The following RALGPS1 variants were observed in gnomAD, a reference collection of about 807,000 sequenced individuals.
RALGPS1 encodes ras-specific guanine nucleotide-releasing factor RalGPS1.
Under a neutral mutation model 78.8 loss-of-function variants are expected in RALGPS1, and 19 were observed. The observed-to-expected ratio is 0.24, with a 90% CI of 0.17 to 0.35. The LOEUF is 0.35. Ranked by LOEUF, RALGPS1 falls within the 10% of genes least tolerant of loss-of-function variation. The pLI, the probability that RALGPS1 is intolerant of heterozygous loss-of-function variation, is 1.00. For missense variants in RALGPS1, 454 were observed against 688.3 expected (o/e 0.66, Z 3.81); for synonymous variants, 228 against 256.3 (o/e 0.89, Z 1.06).
At chr9:127,045,730 TACACACACACACAC>T (rs60442898) in intron 5 of RALGPS1, among the ~76,000 whole-genome samples, 3,460 of 141,470 alleles carry the variant, frequency 0.024, 71 homozygotes, top group Middle Eastern at 0.045. Flanking sequence ...CATGGGTTAG[TACACACACACACAC>T]ACACACACAC....
chr9:127,049,894 T>C, intron 5 of RALGPS1, 149 bp from the exon 6 acceptor site: 1 of 647,182 alleles, frequency 1.5e-6, no homozygotes, highest in Non-Finnish European at 2.8e-6. Flanking sequence ...AGGAACTCTT[T>C]AACTCATGTG....
At chr9:127,199,098 A>G (rs745818482) in intron 14 of RALGPS1, 32 bp downstream of exon 14, 2 of 1,603,790 alleles carry the variant, frequency 1.2e-6, no homozygotes, top group East Asian at 4.5e-5. Context: ...CCTCCCTCCC[A>G]GGGGCGGTGC....
chr9:127,134,798 A>G (rs1265297284), intron 8 of RALGPS1, among the ~76,000 whole-genome samples: 1 of 152,230 alleles, frequency 6.6e-6, no homozygotes, highest in Non-Finnish European at 1.5e-5. Context: ...AAAAACTCAT[A>G]GCTCACTGTT....
In RALGPS1 at chr9:127,220,575, G is replaced by A. The variant is rs1274003040; in HGVS notation, c.*1806G>A. On this transcript the variant is annotated 3_prime_UTR_variant, in exon 19 of 19. Transcript: ENST00000259351. ...GGGTGCTCTGCACACCCACGCGGAT[G>A]TTGCACCTCATTCTCCCGATGACTA... is the stretch of plus-strand genomic sequence containing the variant. The A allele has an allele frequency of 6.6e-6, 1 of 152,236 alleles. No individual in the cohort carries two copies. Among genetic ancestry groups the A allele is most frequent in the African/African-American group, 2.4e-5 (1 of 41,458 alleles). The allele number at this position is 152,236 out of a possible 1,614,324, so 9.4% of individuals were successfully genotyped here.
intron 11 of RALGPS1, chr9:127,184,321 G>A (rs59472009): frequency 0.46 from 118,061 of 258,412 alleles, 26,951 homozygotes; most frequent in African/African-American, 0.7. Context: ...CCTTGTCTCA[G>A]GAAAAAAAAA....
chr9:126,953,627 T>C (rs931379613), intron 1 of RALGPS1, among the ~76,000 whole-genome samples: 4 of 152,216 alleles, frequency 2.6e-5, no homozygotes, highest in Admixed American at 2.6e-4. Context: ...TGGGTCTTAA[T>C]GTATATAAAT....
intron 8 of RALGPS1, among the ~76,000 whole-genome samples, chr9:127,077,602 G>C (rs1411542938): frequency 6.6e-6 from 1 of 152,210 alleles, no homozygotes; most frequent in Non-Finnish European, 1.5e-5. Context: ...TCCCTTGTCA[G>C]GATTAGCAAT....
chr9:127,047,398 A>T (rs1316638988), intron 5 of RALGPS1, among the ~76,000 whole-genome samples: 1 of 152,200 alleles, frequency 6.6e-6, no homozygotes, highest in Non-Finnish European at 1.5e-5. Context: ...AACATGTTCT[A>T]TATAGAGAAA....
chr9:126,939,482 A>G (rs1379956520), intron 1 of RALGPS1, among the ~76,000 whole-genome samples: 1 of 152,244 alleles, frequency 6.6e-6, no homozygotes, highest in Admixed American at 6.5e-5. Flanking sequence ...AACTTAACAC[A>G]TATAGAGCAC....
At chr9:127,081,409 T>G (rs1402236405) in intron 8 of RALGPS1, among the ~76,000 whole-genome samples, 1 of 152,190 alleles carries the variant, frequency 6.6e-6, no homozygotes, top group African/African-American at 2.4e-5. Flanking sequence ...CTGCCCTGAT[T>G]GATGAGGAAA....
chr9:126,925,734 G>A (rs987426388), intron 1 of RALGPS1, among the ~76,000 whole-genome samples: 2 of 152,118 alleles, frequency 1.3e-5, no homozygotes, highest in African/African-American at 4.8e-5. Flanking sequence ...ACTGATGTCT[G>A]CAAAAGAGGA....
intron 7 of RALGPS1, among the ~76,000 whole-genome samples, chr9:127,067,060 G>A (rs1419037736): frequency 1.3e-5 from 2 of 152,116 alleles, no homozygotes; most frequent in South Asian, 2.1e-4. Flanking sequence ...ATTTGGAAAA[G>A]TTACTTAATA....
intron 5 of RALGPS1, among the ~76,000 whole-genome samples, chr9:127,036,304 C>A (rs1206196319): frequency 6.6e-6 from 1 of 152,184 alleles, no homozygotes; most frequent in Non-Finnish European, 1.5e-5. Context: ...ATTGGAGCTG[C>A]CTTCTTTGGG....
chr9:126,942,300 C>A (rs575358515), intron 1 of RALGPS1, among the ~76,000 whole-genome samples: 2 of 150,508 alleles, frequency 1.3e-5, no homozygotes, highest in East Asian at 3.9e-4. Flanking sequence ...TTTTTTTTTA[C>A]CTCCAAATTA....
At chr9:126,994,917 A>T (rs1370079081) in intron 4 of RALGPS1, among the ~76,000 whole-genome samples, 1 of 152,212 alleles carries the variant, frequency 6.6e-6, no homozygotes, top group African/African-American at 2.4e-5. Context: ...AGAATTTCAT[A>T]TCCAGCCAAA....
intron 8 of RALGPS1, among the ~76,000 whole-genome samples, chr9:127,084,201 C>T (rs561486751): frequency 1.9e-4 from 29 of 152,232 alleles, no homozygotes; most frequent in African/African-American, 5.8e-4. Flanking sequence ...TTCTGGGAGG[C>T]GTGAGCCACA....
At chr9:127,155,276 T>C (rs1393804023) in intron 8 of RALGPS1, among the ~76,000 whole-genome samples, 1 of 152,208 alleles carries the variant, frequency 6.6e-6, no homozygotes, top group African/African-American at 2.4e-5. Flanking sequence ...CTAGGCTTGG[T>C]GCTGGGCCCT....
At chr9:127,017,942 C>G (rs1030530579) in intron 4 of RALGPS1, among the ~76,000 whole-genome samples, 1 of 152,046 alleles carries the variant, frequency 6.6e-6, no homozygotes, top group Non-Finnish European at 1.5e-5. Context: ...TCTGGCCGGG[C>G]GCTGTGGCTC....
At chr9:126,947,347 T>C (rs1012797440) in intron 1 of RALGPS1, among the ~76,000 whole-genome samples, 8 of 152,106 alleles carry the variant, frequency 5.3e-5, no homozygotes, top group African/African-American at 1.9e-4. Flanking sequence ...AAATCTGAAA[T>C]AAAAATGCTC....
Sources: gnomAD v4.1 joint callset for allele counts (sites outside exome capture counted in the v4.1 genomes callset) on GRCh38, gnomAD v4.1.1 for gene constraint, MANE v1.5 for transcripts, NCBI Gene and HGNC (gene_info 2026-07-23, HGNC 2026-07-21) for gene names.